MEF2A: variants seen among roughly 807,000 people sequenced by gnomAD.
The protein encoded by MEF2A is myocyte enhancer factor 2A.
A neutral mutation model predicts 55.8 loss-of-function variants in MEF2A; 28 were observed. That is an observed-to-expected ratio of 0.50 (90% CI 0.37 to 0.69). The LOEUF (loss-of-function observed/expected upper bound fraction) is 0.69, where lower values mean the gene tolerates loss of function less well. MEF2A is among the 30% of genes least tolerant of loss of function. The probability of loss-of-function intolerance (pLI) is 0.00; values close to 1 mark genes in which losing one functional copy is unlikely to be tolerated. For missense variants in MEF2A, 528 were observed against 626.2 expected, an observed-to-expected ratio of 0.84 and a Z score of 1.67; for synonymous variants, 239 against 227.1, an observed-to-expected ratio of 1.05 and a Z score of -0.47.
intron 7 of MEF2A, chr15:99,678,721 C>A: frequency 2.1e-6 from 2 of 967,594 alleles, no homozygotes; most frequent in Non-Finnish European, 2.5e-6. Flanking sequence ...AAGGCAAAGA[C>A]TTCTTAAATA....
chr15:99,594,724 G>A (rs1050369326), intron 1 of MEF2A, among the ~76,000 whole-genome samples: 1 of 151,886 alleles, frequency 6.6e-6, no homozygotes, highest in Non-Finnish European at 1.5e-5. Context: ...AACCAAATAT[G>A]TATTTCTTAT....
At chr15:99,586,660 G>T (rs948689477) in intron 1 of MEF2A, among the ~76,000 whole-genome samples, 1 of 152,072 alleles carries the variant, frequency 6.6e-6, no homozygotes, top group Non-Finnish European at 1.5e-5. Flanking sequence ...CAATTTTGAT[G>T]AAGTGCTGTT....
chr15:99,585,811 AT>A (rs1449000816), intron 1 of MEF2A, among the ~76,000 whole-genome samples: 3 of 152,220 alleles, frequency 2.0e-5, no homozygotes, highest in African/African-American at 7.2e-5. Flanking sequence ...ACTTTGTGAA[AT>A]CACAAAAATC....
intron 1 of MEF2A, among the ~76,000 whole-genome samples, chr15:99,588,427 G>A (rs1015373381): frequency 3.3e-5 from 5 of 151,344 alleles, no homozygotes; most frequent in East Asian, 1.9e-4. Context: ...TCAGCCTCCC[G>A]AGTAGCTGGG....
intron 2 of MEF2A, among the ~76,000 whole-genome samples, chr15:99,612,302 A>C (rs547915285): frequency 1.3e-5 from 2 of 152,070 alleles, no homozygotes; most frequent in South Asian, 4.1e-4. Context: ...CTGTAGACCC[A>C]GCTACTTGAG....
chr15:99,627,627 G>A lies in MEF2A; in HGVS notation c.-142-5351G>A, dbSNP rs529829156. ...ACAAATTATATTCCAAGTATAGTTT[G>A]TAGAATATTAGAATTACATTTAGGC... On this transcript the variant is annotated intron_variant, in intron 2 of 11. Transcript: ENST00000557942. 2.3e-4 allele frequency among the ~76,000 whole-genome samples: 35 copies of A among 152,214 alleles called. No homozygotes were observed. The South Asian group carries it at 6.6e-3, about 29-fold the overall frequency.
intron 8 of MEF2A, among the ~76,000 whole-genome samples, chr15:99,698,880 G>T (rs1456176405): frequency 1.3e-5 from 2 of 151,918 alleles, no homozygotes; most frequent in African/African-American, 2.4e-5. Context: ...ATGCAAAATG[G>T]TACAGCCACT....
At chr15:99,677,731 A>G (rs960984904) in intron 7 of MEF2A, among the ~76,000 whole-genome samples, 43 of 152,194 alleles carry the variant, frequency 2.8e-4, no homozygotes, top group African/African-American at 9.4e-4. Flanking sequence ...ATAAAACTCA[A>G]CGTGGAATAC....
chr15:99,573,088 A>G lies in MEF2A; in HGVS notation c.-225+6984A>G, dbSNP rs1262287201. On this transcript the variant is annotated intron_variant, in intron 1 of 11. Transcript: ENST00000557942. The stretch of plus-strand genomic sequence containing the variant: ...CGATTCACGAGGTCAGGAGATCGAG[A>G]CCATCCTGGCTAACACAGTGAAACC... Among the ~76,000 whole-genome samples the G allele has an allele frequency of 3.3e-5, 5 of 152,238 alleles. No individual in the cohort carries two copies. The East Asian group carries it at 9.7e-4, about 29-fold the overall frequency.
intron 3 of MEF2A, among the ~76,000 whole-genome samples, chr15:99,644,609 G>T (rs181735313): frequency 3.3e-5 from 5 of 152,318 alleles, no homozygotes; most frequent in Admixed American, 3.3e-4. Flanking sequence ...AGGTATCCAT[G>T]GGGAAAATTG....
intron 2 of MEF2A, among the ~76,000 whole-genome samples, chr15:99,622,462 G>C (rs936461436): frequency 6.6e-6 from 1 of 152,080 alleles, no homozygotes; most frequent in Admixed American, 6.5e-5. Context: ...TTAGTGGTTA[G>C]CTTGAATTAA....
chr15:99,615,807 G>A (rs997114666), intron 2 of MEF2A, among the ~76,000 whole-genome samples: 1 of 152,174 alleles, frequency 6.6e-6, no homozygotes, highest in African/African-American at 2.4e-5. Flanking sequence ...ACTACACGTT[G>A]TACTATAGGT....
chr15:99,603,543 T>TGTGTGTGTG (rs141750262), intron 2 of MEF2A, among the ~76,000 whole-genome samples: 3 of 126,422 alleles, frequency 2.4e-5, no homozygotes, highest in Non-Finnish European at 4.9e-5. Flanking sequence ...CTGGCTGATT[T>TGTGTGTGTG]TGTGTGTGTG....
intron 8 of MEF2A, among the ~76,000 whole-genome samples, chr15:99,691,745 A>T (rs2055514758): frequency 6.6e-6 from 1 of 151,762 alleles, no homozygotes; most frequent in African/African-American, 2.4e-5. Context: ...CTATTGTAGG[A>T]TAGGGAAGAA....
intron 1 of MEF2A, among the ~76,000 whole-genome samples, chr15:99,589,359 G>A (rs1313064993): frequency 6.6e-6 from 1 of 152,114 alleles, no homozygotes; most frequent in Non-Finnish European, 1.5e-5. Context: ...TACTTTTAAT[G>A]TTTGCAGCAT....
chr15:99,602,152 G>A (rs1040914613), intron 2 of MEF2A, among the ~76,000 whole-genome samples: 1 of 152,166 alleles, frequency 6.6e-6, no homozygotes, highest in Non-Finnish European at 1.5e-5. Context: ...AAAAGCTTTA[G>A]AGCAGGAATG....
At chr15:99,648,597 A>G (rs1375635423) in intron 4 of MEF2A, among the ~76,000 whole-genome samples, 2 of 152,176 alleles carry the variant, frequency 1.3e-5, no homozygotes, top group Non-Finnish European at 2.9e-5. Flanking sequence ...ACAAACTCTG[A>G]AAACAACAAC....
intron 2 of MEF2A, among the ~76,000 whole-genome samples, chr15:99,614,058 G>A (rs1213254104): frequency 3.3e-5 from 5 of 152,100 alleles, no homozygotes; most frequent in African/African-American, 1.2e-4. Flanking sequence ...CTGCCTCCTA[G>A]TGTGACTTTG....
intron 3 of MEF2A, 132 bp downstream of exon 3, chr15:99,633,305 A>G (rs1024181631): frequency 5.3e-6 from 3 of 563,524 alleles, no homozygotes; most frequent in Non-Finnish European, 8.8e-6. Flanking sequence ...TAAATGAAAA[A>G]TTCTAACAAT....
Sources: allele counts gnomAD v4.1 joint callset (sites outside exome capture counted in the v4.1 genomes callset), GRCh38; gene constraint gnomAD v4.1.1; transcripts MANE v1.5; gene names NCBI Gene and HGNC (gene_info 2026-07-23, HGNC 2026-07-21).